GLRB: variants seen among roughly 807,000 people sequenced by gnomAD.
GLRB encodes glycine receptor beta.
A neutral mutation model predicts 54.2 loss-of-function variants in GLRB; 33 were observed. The ratio of observed to expected loss-of-function variants is 0.61; its 90% CI spans 0.46 to 0.81. GLRB has a LOEUF of 0.81. GLRB is among the 40% of genes least tolerant of loss of function. GLRB has a pLI of 0.00. For missense variants in GLRB, 572 were observed against 584.6 expected (o/e 0.98, Z 0.22); for synonymous variants, 209 against 208.2 (o/e 1.00, Z -0.03).
chr4:157,087,056 A>G (rs911229152), intron 2 of GLRB, among the ~76,000 whole-genome samples: 5 of 152,138 alleles, frequency 3.3e-5, no homozygotes, highest in East Asian at 3.8e-4. Context: ...AAATGGTTAT[A>G]TATACTTTTA....
At chr4:157,123,549 A>C (rs1481976172) in intron 4 of GLRB, among the ~76,000 whole-genome samples, 1 of 151,820 alleles carries the variant, frequency 6.6e-6, no homozygotes, top group Non-Finnish European at 1.5e-5. Flanking sequence ...TCCAAAATTC[A>C]CTTCCAGTGA....
intron 3 of GLRB, 71 bp from the exon 4 acceptor site, chr4:157,122,259 C>T: frequency 1.5e-6 from 1 of 647,672 alleles, no homozygotes; most frequent in Non-Finnish European, 2.7e-6. Context: ...AATGTGCAAA[C>T]CAAAAAAACT....
intron 8 of GLRB, among the ~76,000 whole-genome samples, chr4:157,144,732 C>G (rs1311452752): frequency 6.6e-6 from 1 of 152,164 alleles, no homozygotes; most frequent in Non-Finnish European, 1.5e-5. Flanking sequence ...GTCTGACCTC[C>G]TCAGTGAGTA....
rs779156561 is a variant in GLRB at position 157,136,890 on chromosome 4, C to T, written c.610+4C>T. 2.7e-5 allele frequency: 42 copies of T among 1,530,524 alleles called. No individual in the cohort carries two copies. Among genetic ancestry groups the T allele is most frequent in the Admixed American group, 8.4e-5 (5 of 59,872 alleles). The allele number at this position is 1,530,524 out of a possible 1,614,324, so 94.8% of individuals were successfully genotyped here. A position where few individuals can be genotyped will look rare whatever the true frequency, so the allele number is the denominator to read the frequency against. ...TGCAAGATGCAACTGGAGAGCTGTA[C>T]GTAAATGAGAACATAATTGATTATG... On this transcript the variant is annotated splice_donor_region_variant and intron_variant, in intron 6 of 9. Transcript: ENST00000264428.
At chr4:157,105,339 T>G (rs987106238) in intron 2 of GLRB, among the ~76,000 whole-genome samples, 1 of 152,036 alleles carries the variant, frequency 6.6e-6, no homozygotes, top group Non-Finnish European at 1.5e-5. Context: ...CAGCTTTCCT[T>G]TTGATGCTGA....
chr4:157,118,922 A>C (rs183641987), intron 2 of GLRB, among the ~76,000 whole-genome samples: 1 of 151,650 alleles, frequency 6.6e-6, no homozygotes, highest in East Asian at 2.0e-4. Context: ...TGTGATTGTC[A>C]TGGATTTTGT....
At chr4:157,160,025 T>A (rs1218706571) in intron 9 of GLRB, among the ~76,000 whole-genome samples, 1 of 152,232 alleles carries the variant, frequency 6.6e-6, no homozygotes, top group African/African-American at 2.4e-5. Flanking sequence ...GCTATTGATC[T>A]ATTCAGGGAT....
intron 2 of GLRB, 104 bp downstream of exon 2, chr4:157,078,250 C>T: frequency 1.3e-6 from 2 of 1,556,944 alleles, no homozygotes; most frequent in Non-Finnish European, 1.7e-6. Context: ...CTTTTCATAT[C>T]GGAATGTATA....
intron 2 of GLRB, among the ~76,000 whole-genome samples, chr4:157,098,191 C>T (rs1303307187): frequency 1.3e-5 from 2 of 152,118 alleles, no homozygotes; most frequent in Non-Finnish European, 2.9e-5. Context: ...TTCCTTTCTT[C>T]AATATCATAT....
At chr4:157,112,641 A>T (rs1253236296) in intron 2 of GLRB, among the ~76,000 whole-genome samples, 1 of 151,984 alleles carries the variant, frequency 6.6e-6, no homozygotes, top group African/African-American at 2.4e-5. Context: ...GTGGGGTTGC[A>T]ACTGAGTGAT....
intron 2 of GLRB, among the ~76,000 whole-genome samples, chr4:157,093,731 G>A (rs1734701269): frequency 6.8e-6 from 1 of 147,218 alleles, no homozygotes; most frequent in South Asian, 2.2e-4. Context: ...CTCCAGGCTG[G>A]GCGACAGAGC....
At chr4:157,129,265 G>C (rs1736127042) in intron 4 of GLRB, among the ~76,000 whole-genome samples, 1 of 151,702 alleles carries the variant, frequency 6.6e-6, no homozygotes, top group Non-Finnish European at 1.5e-5. Flanking sequence ...AAAGAGGTCT[G>C]TTTCTGATGG....
At chr4:157,130,794 A>G (rs2126553240) in intron 4 of GLRB, among the ~76,000 whole-genome samples, 1 of 151,746 alleles carries the variant, frequency 6.6e-6, no homozygotes, top group East Asian at 1.9e-4. Context: ...TCATATAGAA[A>G]TTCTGTGTTT....
At chr4:157,079,795 C>A (rs1030590683) in intron 2 of GLRB, among the ~76,000 whole-genome samples, 1 of 152,066 alleles carries the variant, frequency 6.6e-6, no homozygotes, top group African/African-American at 2.4e-5. Context: ...TATTCCTAAG[C>A]GAAAGGACAC....
intron 2 of GLRB, among the ~76,000 whole-genome samples, chr4:157,086,951 A>T (rs1282326011): frequency 6.6e-6 from 1 of 152,140 alleles, no homozygotes; most frequent in African/African-American, 2.4e-5. Context: ...ACACTTGATT[A>T]GAATTAGTTC....
chr4:157,092,382 G>A (rs190282193), intron 2 of GLRB, among the ~76,000 whole-genome samples: 1 of 152,252 alleles, frequency 6.6e-6, no homozygotes, highest in African/African-American at 2.4e-5. Flanking sequence ...GGAATTATAT[G>A]TAAAATTATT....
chr4:157,118,204 A>C (rs1020496584), intron 2 of GLRB, among the ~76,000 whole-genome samples: 5 of 151,722 alleles, frequency 3.3e-5, no homozygotes, highest in African/African-American at 9.7e-5. Flanking sequence ...TTCATTGTTT[A>C]GAAGGAATGT....
At chr4:157,127,204 T>C (rs1181634968) in intron 4 of GLRB, among the ~76,000 whole-genome samples, 1 of 151,870 alleles carries the variant, frequency 6.6e-6, no homozygotes, top group African/African-American at 2.4e-5. Flanking sequence ...CTCAGTTTAC[T>C]ATTTATATTT....
intron 2 of GLRB, among the ~76,000 whole-genome samples, chr4:157,105,577 T>G (rs1735192840): frequency 6.6e-6 from 1 of 152,006 alleles, no homozygotes; most frequent in African/African-American, 2.4e-5. Context: ...GTTGACTTTC[T>G]GTCTGATTGT....
Sources: allele counts gnomAD v4.1 joint callset (sites outside exome capture counted in the v4.1 genomes callset), GRCh38; gene constraint gnomAD v4.1.1; transcripts MANE v1.5; gene names NCBI Gene and HGNC (gene_info 2026-07-23, HGNC 2026-07-21).